The following CCDC88C variants were observed in gnomAD, a reference collection of about 807,000 sequenced individuals.
The protein encoded by CCDC88C is coiled-coil and HOOK domain protein 88C.
A neutral mutation model predicts 198.8 loss-of-function variants in CCDC88C; 131 were observed. The observed-to-expected ratio is 0.66, with a 90% CI of 0.57 to 0.76. The LOEUF (loss-of-function observed/expected upper bound fraction) is 0.76, where lower values mean the gene tolerates loss of function less well. Among genes scored for constraint, CCDC88C ranks in the 30% least tolerant of loss-of-function variants. CCDC88C has a pLI of 0.00. For missense variants in CCDC88C, 2,553 were observed against 2,631.6 expected, an observed-to-expected ratio of 0.97 and a Z score of 0.65; for synonymous variants, 1,166 against 1,114.7, an observed-to-expected ratio of 1.05 and a Z score of -0.92.
chr14:91,299,493 T>C (rs1160178465), intron 21 of CCDC88C, among the ~76,000 whole-genome samples: 1 of 152,146 alleles, frequency 6.6e-6, no homozygotes, highest in Non-Finnish European at 1.5e-5. Flanking sequence ...ATTTCACCAC[T>C]CTGTGCGTGT....
chr14:91,326,179 G>A (rs538467165), intron 10 of CCDC88C, 123 bp from the exon 11 acceptor site: 4 of 804,956 alleles, frequency 5.0e-6, no homozygotes, highest in East Asian at 2.8e-5. Flanking sequence ...AGGGAAGTCC[G>A]AGGCAGGAAG....
In CCDC88C at chr14:91,382,789, C is replaced by T. The variant is rs571639599; in HGVS notation, c.271-23078G>A. 2.9e-3 allele frequency among the ~76,000 whole-genome samples: 438 copies of T among 152,300 alleles called. 1 individual carries two copies. The highest frequency in any genetic ancestry group is 9.9e-3 in the African/African-American group (412 of 41,550). On this transcript the variant is annotated intron_variant, in intron 3 of 29. Coordinates refer to ENST00000389857, the MANE Select transcript of CCDC88C (RefSeq NM_001080414.4). The stretch of plus-strand genomic sequence containing the variant: ...GCGAACACTCCAAACCCAGGCTACG[C>T]ACCCGCTTTAAAATTCTCTGCTTTA...
Position 91,352,644 on chromosome 14 carries a change from T to C in CCDC88C, c.340+6998A>G, listed in dbSNP as rs887992386. On this transcript the variant is annotated intron_variant, in intron 4 of 29. Coordinates refer to ENST00000389857, the MANE Select transcript of CCDC88C (RefSeq NM_001080414.4). This position sits in a 1 kb window ranked among gnomAD's most constrained non-coding sequence, Gnocchi z 4.2. ...TGCAAATATGAAAATTATATATATA[T>C]ACACACACACATATACACTTATACA... Among the ~76,000 whole-genome samples, 33 of 152,200 alleles carry C rather than the reference T, an allele frequency of 2.2e-4. No homozygotes were observed. Among genetic ancestry groups the C allele is most frequent in the Admixed American group, 1.6e-3 (25 of 15,296 alleles).
At position 91,339,504 on chromosome 14, in the gene CCDC88C, G is replaced by A. The variant is rs1230077858; in HGVS notation, c.625-42C>T. On this transcript the variant is annotated intron_variant, in intron 7 of 29. Transcript: ENST00000389857. The surrounding 1 kb of genome is among the most constrained non-coding windows in gnomAD (Gnocchi z 5.8). ...AGGGGGATGGAGGAGAACAAACGGG[G>A]TTAACCAGCACAACGCCTGAGCTTG... 2 of 1,559,742 alleles carry A rather than the reference G, an allele frequency of 1.3e-6. No individual in the cohort carries two copies. The highest frequency in any genetic ancestry group is 1.2e-5 in the South Asian group (1 of 84,658).
chr14:91,415,873 T>G (rs1408579185), intron 2 of CCDC88C, among the ~76,000 whole-genome samples: 1 of 152,152 alleles, frequency 6.6e-6, no homozygotes, highest in Non-Finnish European at 1.5e-5. Flanking sequence ...AGCTAATAGA[T>G]TTATGCTCCA....
At chr14:91,336,528 G>A (rs1194222339) in intron 10 of CCDC88C, among the ~76,000 whole-genome samples, 1 of 149,150 alleles carries the variant, frequency 6.7e-6, no homozygotes, top group Non-Finnish European at 1.5e-5. Context: ...TTTCCAGTAA[G>A]CAATGCAGCC....
Position 91,279,292 on chromosome 14 carries a change from T to G in CCDC88C, c.4714A>C (p.Ser1572Arg), listed in dbSNP as rs1032316567. Reference protein sequence around the residue: ...NHRQYVSRPSSLESSRNTSSN... With the variant: ...NHRQYVSRPSRLESSRNTSSN... The stretch of plus-strand genomic sequence containing the variant: ...GATGTGTTTCTACTGCTCTCTAAGC[T>G]ACTTGGCCGCGACACTGAAAGGAAA... The change falls in exon 28 of 30, where the codon AGC (serine) becomes CGC (arginine). Residue 1572 changes from serine (S) to arginine (R), a missense_variant. Ser to Arg is a moderately radical substitution (Grantham distance 110). This residue lies in a region of CCDC88C where 1,293 missense variants were observed against 1,219.6 expected (regional missense o/e 1.06). Transcript: ENST00000389857. 6.2e-7 allele frequency: 1 copy of G among 1,602,070 alleles called. No individual in the cohort carries two copies. The highest frequency in any genetic ancestry group is 1.7e-5 in the Admixed American group (1 of 58,562).
chr14:91,402,704 T>C (rs1328254187), intron 3 of CCDC88C, among the ~76,000 whole-genome samples: 1 of 152,136 alleles, frequency 6.6e-6, no homozygotes, highest in Non-Finnish European at 1.5e-5. Context: ...TTTTATTTCT[T>C]AAAAAAGGAA....
chr14:91,401,344 A>ATC (rs1379027305), intron 3 of CCDC88C, among the ~76,000 whole-genome samples: 1 of 125,572 alleles, frequency 8.0e-6, no homozygotes, highest in African/African-American at 2.7e-5. Context: ...ATATATATAT[A>ATC]TATTTTTTGA....
At chr14:91,341,150 G>C (rs1024487871) in intron 6 of CCDC88C, among the ~76,000 whole-genome samples, 2 of 152,210 alleles carry the variant, frequency 1.3e-5, no homozygotes, top group African/African-American at 4.8e-5. Context: ...GGATACAGGT[G>C]ATCTGAGAAT....
intron 3 of CCDC88C, among the ~76,000 whole-genome samples, chr14:91,401,264 CATTATATAT>C (rs1245783115): frequency 7.0e-6 from 1 of 143,060 alleles, no homozygotes; most frequent in Non-Finnish European, 1.5e-5. Flanking sequence ...ATAATATATA[CATTATATAT>C]ATTATATATT....
chr14:91,284,056 T>G lies in CCDC88C; in HGVS notation c.4442-539A>C, dbSNP rs1312747238. On this transcript the variant is annotated intron_variant, in intron 25 of 29. Transcript: ENST00000389857. The surrounding 1 kb of genome is among the most constrained non-coding windows in gnomAD (Gnocchi z 4.1). ...GACGAACTGCAAGAAAATTTTTACC[T>G]TGTGTCTTGTGCTTTTCTGAAATCT... is the stretch of plus-strand genomic sequence containing the variant. Among the ~76,000 whole-genome samples the G allele has an allele frequency of 2.0e-5, 3 of 152,228 alleles. No homozygotes were observed. Among genetic ancestry groups the G allele is most frequent in the South Asian group, 2.1e-4 (1 of 4,830 alleles).
At chr14:91,362,342 A>G (rs1265208329) in intron 3 of CCDC88C, among the ~76,000 whole-genome samples, 1 of 152,198 alleles carries the variant, frequency 6.6e-6, no homozygotes, top group Non-Finnish European at 1.5e-5. Context: ...ACTCTTGGCT[A>G]GCTTTCTTCT....
intron 23 of CCDC88C, among the ~76,000 whole-genome samples, chr14:91,292,832 C>T (rs1205870367): frequency 1.3e-5 from 2 of 152,172 alleles, no homozygotes; most frequent in Non-Finnish European, 2.9e-5. Context: ...CAGGGTTCGT[C>T]CCCTTGCCTT....
At chr14:91,404,602 A>G (rs1195871906) in intron 3 of CCDC88C, among the ~76,000 whole-genome samples, 3 of 151,866 alleles carry the variant, frequency 2.0e-5, no homozygotes, top group African/African-American at 7.3e-5. Flanking sequence ...AAGAACCACC[A>G]CTCTCACCCA....
chr14:91,294,004 A>G lies in CCDC88C; in HGVS notation c.4112+169T>C, dbSNP rs1890885821. Among the ~76,000 whole-genome samples the G allele has an allele frequency of 3.3e-5, 5 of 152,216 alleles. No individual in the cohort carries two copies. In the South Asian group the frequency reaches 1.0e-3, roughly 32 times the overall value. ...ACTGAGAACTCTAGAAACTGAGAAC[A>G]TTCCAGGAAACTAAGGGCAGTCCGT... On this transcript the variant is annotated intron_variant, in intron 23 of 29. Transcript: ENST00000389857.
chr14:91,295,597 G>A (rs369445180), intron 22 of CCDC88C, among the ~76,000 whole-genome samples: 1 of 152,242 alleles, frequency 6.6e-6, no homozygotes, highest in Non-Finnish European at 1.5e-5. Context: ...AACGATGGGG[G>A]AGCTGCTCTT....
intron 4 of CCDC88C, among the ~76,000 whole-genome samples, chr14:91,350,183 C>G (rs1893725623): frequency 2.0e-5 from 3 of 149,468 alleles, no homozygotes; most frequent in Admixed American, 6.7e-5. Flanking sequence ...TTTTTGGAGA[C>G]AGAGTCTCAC....
At chr14:91,393,901 G>C (rs1032599799) in intron 3 of CCDC88C, among the ~76,000 whole-genome samples, 1 of 152,202 alleles carries the variant, frequency 6.6e-6, no homozygotes, top group Non-Finnish European at 1.5e-5. Flanking sequence ...AAATCTGAAT[G>C]CCACAAATTC....
Sources: allele counts gnomAD v4.1 joint callset (sites outside exome capture counted in the v4.1 genomes callset), GRCh38; gene constraint gnomAD v4.1.1; regional missense constraint gnomAD v4.1.1; non-coding constraint Gnocchi (gnomAD v3.1); transcripts MANE v1.5; gene names NCBI Gene and HGNC (gene_info 2026-07-23, HGNC 2026-07-21).